The following CTNNA3 variants were observed in gnomAD, a reference collection of about 807,000 sequenced individuals.
The protein encoded by CTNNA3 is catenin alpha-3.
A neutral mutation model predicts 95.7 loss-of-function variants in CTNNA3; 76 were observed. That is an observed-to-expected ratio of 0.79 (90% CI 0.66 to 0.96). CTNNA3 has a LOEUF of 0.96. CTNNA3 is among the 40% of genes least tolerant of loss of function. CTNNA3 has a pLI of 0.00. For missense variants in CTNNA3, 1,191 were observed against 1,089.8 expected (o/e 1.09, Z -1.31); for synonymous variants, 431 against 374.4 (o/e 1.15, Z -1.74).
At chr10:67,196,624 A>G (rs1863380735) in intron 6 of CTNNA3, among the ~76,000 whole-genome samples, 2 of 152,094 alleles carry the variant, frequency 1.3e-5, no homozygotes, top group Admixed American at 1.3e-4. Flanking sequence ...GTCTTCTCCT[A>G]GGCATATTTC....
At chr10:67,210,558 C>G (rs535612304) in intron 6 of CTNNA3, among the ~76,000 whole-genome samples, 1 of 151,976 alleles carries the variant, frequency 6.6e-6, no homozygotes, top group Non-Finnish European at 1.5e-5. Context: ...ATTAACATGT[C>G]CATCATCCCA....
chr10:67,444,674 A>C (rs928577625), intron 5 of CTNNA3, among the ~76,000 whole-genome samples: 1 of 141,622 alleles, frequency 7.1e-6, no homozygotes, highest in Non-Finnish European at 1.6e-5. Context: ...AAAAAAGGAG[A>C]GAAAATCCAA....
chr10:67,136,288 A>G (rs1336063565), intron 7 of CTNNA3, among the ~76,000 whole-genome samples: 1 of 152,080 alleles, frequency 6.6e-6, no homozygotes, highest in Non-Finnish European at 1.5e-5. Context: ...TATGGTATAA[A>G]GATTTATGTG....
At chr10:66,378,607 GAA>G (rs2092812324) in intron 12 of CTNNA3, among the ~76,000 whole-genome samples, 1 of 152,088 alleles carries the variant, frequency 6.6e-6, no homozygotes, top group South Asian at 2.1e-4. Context: ...CTGGTTTTTC[GAA>G]AATACTAACC....
At chr10:66,303,632 G>GC in intron 12 of CTNNA3, among the ~76,000 whole-genome samples, 1 of 151,944 alleles carries the variant, frequency 6.6e-6, no homozygotes. Flanking sequence ...AATGAGAAAG[G>GC]CAAATTTATT....
At position 66,287,320 on chromosome 10, in the gene CTNNA3, C is replaced by T. The variant is rs190922275; in HGVS notation, c.1733-6699G>A. 7.4e-3 allele frequency among the ~76,000 whole-genome samples: 1,132 copies of T among 152,158 alleles called. 13 individuals carry two copies. Among genetic ancestry groups the T allele is most frequent in the African/African-American group, 0.026 (1,076 of 41,520 alleles). ...CTCTGCCCTACCTTTTTGTAAAGCT[C>T]CTATGTCTCTTACTTTACTGTATGT... is the stretch of plus-strand genomic sequence containing the variant. On this transcript the variant is annotated intron_variant, in intron 12 of 17. Transcript: ENST00000433211.
At chr10:66,575,103 C>A (rs1196816921) in intron 10 of CTNNA3, among the ~76,000 whole-genome samples, 9 of 152,016 alleles carry the variant, frequency 5.9e-5, no homozygotes, top group African/African-American at 2.2e-4. Context: ...CTTCATTAAC[C>A]AGAATTTGAC....
At chr10:66,170,114 G>T (rs2085339310) in intron 13 of CTNNA3, among the ~76,000 whole-genome samples, 1 of 151,824 alleles carries the variant, frequency 6.6e-6, no homozygotes, top group South Asian at 2.1e-4. Flanking sequence ...GTCTAGAAGG[G>T]TTTTTCTGAT....
chr10:66,679,674 T>C (rs1473325087), intron 9 of CTNNA3, among the ~76,000 whole-genome samples: 1 of 152,122 alleles, frequency 6.6e-6, no homozygotes, highest in Non-Finnish European at 1.5e-5. Flanking sequence ...TGTATAAAAA[T>C]ATACTCTTTT....
Position 67,720,129 on chromosome 10 carries a change from CTTTTTTTT to C in CTNNA3, c.-2+43297_-2+43304del, listed in dbSNP as rs58074397. Among the ~76,000 whole-genome samples the C allele has an allele frequency of 1.4e-3, 9 of 6,612 alleles. 1 individual carries two copies. The highest frequency in any genetic ancestry group is 4.0e-3 in the African/African-American group (6 of 1,500). 4.3% of individuals were successfully genotyped at this position (6,612 alleles called of 152,430 possible). A position where few individuals can be genotyped will look rare whatever the true frequency, so the allele number is the denominator to read the frequency against. On this transcript the variant is annotated intron_variant, in intron 1 of 17. Coordinates refer to the CTNNA3 transcript ENST00000684154. ...TCAGAGACTAGGATTGCAACCCCTG[CTTTTTTTT>C]TTTTTTTTTTTTTTTGCTGTCCAAT...
At chr10:67,086,864 A>G (rs2131895693) in intron 7 of CTNNA3, among the ~76,000 whole-genome samples, 1 of 152,138 alleles carries the variant, frequency 6.6e-6, no homozygotes, top group African/African-American at 2.4e-5. Context: ...TGCCATACTT[A>G]TATAAACCTA....
At chr10:67,186,575 G>T (rs780155116) in intron 6 of CTNNA3, among the ~76,000 whole-genome samples, 16 of 152,132 alleles carry the variant, frequency 1.1e-4, no homozygotes, top group Non-Finnish European at 2.2e-4. Context: ...AAAAAGGCAA[G>T]AATTTTTTAA....
chr10:67,071,492 A>G (rs573304461), intron 7 of CTNNA3, among the ~76,000 whole-genome samples: 2 of 129,676 alleles, frequency 1.5e-5, no homozygotes, highest in Non-Finnish European at 3.2e-5. Flanking sequence ...TTGTACTTAG[A>G]GCTCTTTAAA....
chr10:67,237,104 G>A (rs1358982116), intron 5 of CTNNA3, among the ~76,000 whole-genome samples: 6 of 112,252 alleles, frequency 5.3e-5, no homozygotes, highest in Non-Finnish European at 9.1e-5. Context: ...ATCAATGAGT[G>A]GATAAAGAAA....
chr10:66,708,183 A>G (rs1848178885), intron 9 of CTNNA3, among the ~76,000 whole-genome samples: 1 of 151,694 alleles, frequency 6.6e-6, no homozygotes, highest in Admixed American at 6.6e-5. Flanking sequence ...CAAGGTCTAG[A>G]TGTGACTATC....
chr10:67,707,191 G>A (rs565744165), intron 1 of CTNNA3, among the ~76,000 whole-genome samples: 2 of 152,126 alleles, frequency 1.3e-5, no homozygotes, highest in Non-Finnish European at 2.9e-5. Flanking sequence ...GAACTTAGAA[G>A]TTTAGCTCAT....
At chr10:66,212,980 C>T (rs1194779391) in intron 13 of CTNNA3, among the ~76,000 whole-genome samples, 1 of 152,132 alleles carries the variant, frequency 6.6e-6, no homozygotes, top group Non-Finnish European at 1.5e-5. Context: ...CATGCCACTG[C>T]ACTAGAGCCT....
intron 14 of CTNNA3, among the ~76,000 whole-genome samples, chr10:66,072,693 TG>T (rs1459187974): frequency 3.3e-5 from 5 of 151,992 alleles, no homozygotes; most frequent in Admixed American, 3.3e-4. Flanking sequence ...TCCACTCTCT[TG>T]GTTTTTGCCT....
chr10:66,707,160 A>T (rs1316397493), intron 9 of CTNNA3, among the ~76,000 whole-genome samples: 1 of 152,036 alleles, frequency 6.6e-6, no homozygotes, highest in Non-Finnish European at 1.5e-5. Flanking sequence ...GAGTTCCAAG[A>T]TAAAAATATT....
Sources: gnomAD v4.1 joint callset for allele counts (sites outside exome capture counted in the v4.1 genomes callset) on GRCh38, gnomAD v4.1.1 for gene constraint, MANE v1.5 for transcripts, NCBI Gene and HGNC (gene_info 2026-07-23, HGNC 2026-07-21) for gene names.